The following NELL1 variants were observed in gnomAD, a reference collection of about 807,000 sequenced individuals.
The protein encoded by NELL1 is protein kinase C-binding protein NELL1.
In NELL1, 76 loss-of-function variants were observed where a neutral mutation model predicts 107.4. That is an observed-to-expected ratio of 0.71 (90% CI 0.59 to 0.86). NELL1 has a LOEUF of 0.86. Ranked by LOEUF, NELL1 falls within the 40% of genes least tolerant of loss-of-function variation. The probability of loss-of-function intolerance (pLI) is 0.00; values close to 1 mark genes in which losing one functional copy is unlikely to be tolerated. For synonymous variants in NELL1, 353 were observed against 341.2 expected (o/e 1.03, Z -0.38); for missense variants, 1,024 against 1,005.5 (o/e 1.02, Z -0.25).
intron 15 of NELL1, among the ~76,000 whole-genome samples, chr11:21,463,890 G>C (rs2133875855): frequency 6.6e-6 from 1 of 152,244 alleles, no homozygotes; most frequent in Admixed American, 6.5e-5. Flanking sequence ...GCTGAAGCTG[G>C]AATCCTCGGA....
In NELL1 at chr11:21,038,148, T is replaced by C. The variant is rs566931902; in HGVS notation, c.1301-75441T>C. On this transcript the variant is annotated intron_variant, in intron 12 of 19. Coordinates refer to ENST00000357134, the MANE Select transcript of NELL1 (RefSeq NM_006157.5). Reference sequence around the variant, plus strand: ...ATAAGCGAACTGCAAGCATCCATTCTCCCAGCTGCATCAGGGCACAAAGGA... The same window carrying C: ...ATAAGCGAACTGCAAGCATCCATTCCCCCAGCTGCATCAGGGCACAAAGGA... Among the ~76,000 whole-genome samples the C allele has an allele frequency of 3.3e-5, 5 of 152,250 alleles. No homozygotes were observed. In the South Asian group the frequency reaches 1.0e-3, roughly 32 times the overall value.
At chr11:21,324,995 A>G (rs1326887880) in intron 14 of NELL1, among the ~76,000 whole-genome samples, 4 of 151,960 alleles carry the variant, frequency 2.6e-5, no homozygotes, top group South Asian at 2.1e-4. Flanking sequence ...GTTTTATAGC[A>G]TATTTGTATT....
At chr11:20,930,804 G>T (rs956268260) in intron 9 of NELL1, among the ~76,000 whole-genome samples, 171 of 131,180 alleles carry the variant, frequency 1.3e-3, no homozygotes, top group African/African-American at 4.4e-3. Context: ...TAAAACATCA[G>T]TTTTTTTTTT....
At chr11:20,836,411 A>G (rs1220774065) in intron 3 of NELL1, among the ~76,000 whole-genome samples, 1 of 152,140 alleles carries the variant, frequency 6.6e-6, no homozygotes, top group East Asian at 1.9e-4. Context: ...AAAGCTAAAC[A>G]TAGTCTTATC....
intron 15 of NELL1, among the ~76,000 whole-genome samples, chr11:21,424,264 A>G (rs1852764707): frequency 6.6e-6 from 1 of 152,216 alleles, no homozygotes; most frequent in South Asian, 2.1e-4. Flanking sequence ...TACTAAAATC[A>G]GAATTGGAAG....
intron 14 of NELL1, among the ~76,000 whole-genome samples, chr11:21,277,685 G>A (rs985693247): frequency 2.0e-5 from 3 of 152,186 alleles, no homozygotes; most frequent in African/African-American, 7.2e-5. Flanking sequence ...TTAAGAAAAT[G>A]TGGCACGTAT....
At chr11:21,213,773 C>T (rs564658295) in intron 13 of NELL1, among the ~76,000 whole-genome samples, 1 of 152,250 alleles carries the variant, frequency 6.6e-6, no homozygotes, top group Admixed American at 6.5e-5. Context: ...ACTGGAGTCA[C>T]TGGGTGTGCA....
chr11:21,082,694 C>A (rs1338229022), intron 12 of NELL1, among the ~76,000 whole-genome samples: 1 of 152,102 alleles, frequency 6.6e-6, no homozygotes, highest in East Asian at 1.9e-4. Context: ...TCTGTCTATT[C>A]CATTTATGTA....
chr11:20,778,441 T>C (rs192740682), intron 2 of NELL1, among the ~76,000 whole-genome samples: 105 of 145,170 alleles, frequency 7.2e-4, no homozygotes, highest in Non-Finnish European at 1.3e-3. Flanking sequence ...CAGAGAAGAG[T>C]GTGTGTTTAC....
At chr11:21,538,929 A>G (rs182039785) in intron 16 of NELL1, among the ~76,000 whole-genome samples, 31 of 152,164 alleles carry the variant, frequency 2.0e-4, no homozygotes, top group African/African-American at 7.5e-4. Context: ...AGACTACTCA[A>G]ATTCTTATTC....
intron 13 of NELL1, among the ~76,000 whole-genome samples, chr11:21,165,759 T>TC (rs1856466793): frequency 2.8e-5 from 1 of 35,382 alleles, no homozygotes; most frequent in Admixed American, 3.2e-4. Flanking sequence ...CAATGAGATC[T>TC]TTTTTTTTTT....
At chr11:21,258,019 CTT>C (rs1420361407) in intron 14 of NELL1, among the ~76,000 whole-genome samples, 4 of 152,016 alleles carry the variant, frequency 2.6e-5, no homozygotes, top group Non-Finnish European at 5.9e-5. Flanking sequence ...GACCATGACT[CTT>C]TGTCTCACTG....
chr11:21,347,736 T>A (rs934189365), intron 14 of NELL1, among the ~76,000 whole-genome samples: 1 of 152,192 alleles, frequency 6.6e-6, no homozygotes, highest in African/African-American at 2.4e-5. Flanking sequence ...GTCATTATTA[T>A]TAGTAAGAAT....
In NELL1 at chr11:21,428,229, A is replaced by G. The variant is rs191601317; in HGVS notation, c.1645+57281A>G. 3.0e-3 allele frequency among the ~76,000 whole-genome samples: 459 copies of G among 152,288 alleles called. 2 individuals are homozygous for G. The highest frequency in any genetic ancestry group is 0.01 in the African/African-American group (434 of 41,556). ...TAATTATATTCTGAGGTGGAGAGAGAACACACCAAGGCTAACATCTGATGG... is the reference window on the plus strand; with the variant it reads ...TAATTATATTCTGAGGTGGAGAGAGGACACACCAAGGCTAACATCTGATGG... On this transcript the variant is annotated intron_variant, in intron 15 of 19. Transcript: ENST00000357134.
chr11:21,137,269 A>T (rs1394292068), intron 13 of NELL1, among the ~76,000 whole-genome samples: 1 of 152,228 alleles, frequency 6.6e-6, no homozygotes, highest in East Asian at 1.9e-4. Context: ...CCTGGAGGAG[A>T]ACCCCATGTA....
At chr11:20,787,655 A>G (rs1470500005) in intron 3 of NELL1, among the ~76,000 whole-genome samples, 4 of 152,204 alleles carry the variant, frequency 2.6e-5, no homozygotes, top group Admixed American at 2.0e-4. Context: ...TTCTGATTGT[A>G]TTACTAGTGA....
chr11:21,541,533 A>C (rs1025930704), intron 16 of NELL1, among the ~76,000 whole-genome samples: 7 of 152,092 alleles, frequency 4.6e-5, no homozygotes, highest in Non-Finnish European at 8.8e-5. Flanking sequence ...GAGTGGCGAT[A>C]AAAAGGGGTA....
intron 10 of NELL1, among the ~76,000 whole-genome samples, chr11:20,939,408 C>T (rs2134187852): frequency 6.6e-6 from 1 of 151,990 alleles, no homozygotes; most frequent in Admixed American, 6.5e-5. Context: ...AGTTAGGAAG[C>T]AGAAACCATA....
At chr11:21,253,488 G>T (rs1445732507) in intron 14 of NELL1, among the ~76,000 whole-genome samples, 8 of 152,052 alleles carry the variant, frequency 5.3e-5, no homozygotes, top group Admixed American at 5.2e-4. Flanking sequence ...GATTAAAGAA[G>T]GGAAGTAACT....
Sources: gnomAD v4.1 joint callset for allele counts (sites outside exome capture counted in the v4.1 genomes callset) on GRCh38, gnomAD v4.1.1 for gene constraint, MANE v1.5 for transcripts, NCBI Gene and HGNC (gene_info 2026-07-23, HGNC 2026-07-21) for gene names.